The following ADAMTS6 variants were observed in gnomAD, a reference collection of about 807,000 sequenced individuals.
ADAMTS6 encodes the protein A disintegrin and metalloproteinase with thrombospondin motifs 6.
ADAMTS6 carries 23 observed loss-of-function variants against 144.3 expected under a neutral mutation model. The ratio of observed to expected loss-of-function variants is 0.16; its 90% CI spans 0.11 to 0.23. The LOEUF is 0.23. ADAMTS6 is among the 10% of genes least tolerant of loss of function. The pLI, the probability that ADAMTS6 is intolerant of heterozygous loss-of-function variation, is 1.00. For missense variants in ADAMTS6, 999 were observed against 1,379.6 expected, an observed-to-expected ratio of 0.72 and a Z score of 4.37; for synonymous variants, 444 against 457.5, an observed-to-expected ratio of 0.97 and a Z score of 0.38.
intron 14 of ADAMTS6, among the ~76,000 whole-genome samples, chr5:65,247,733 C>T (rs1457571786): frequency 6.6e-6 from 1 of 152,062 alleles, no homozygotes; most frequent in African/African-American, 2.4e-5. Context: ...ACTCCTATGG[C>T]CTCAGGGAAA....
At chr5:65,295,820 C>A (rs1742781611) in intron 10 of ADAMTS6, among the ~76,000 whole-genome samples, 1 of 151,994 alleles carries the variant, frequency 6.6e-6, no homozygotes, top group South Asian at 2.1e-4. Flanking sequence ...AGTATATTTA[C>A]ATTTCTCAAA....
chr5:65,281,312 A>G (rs1762972485), intron 11 of ADAMTS6, among the ~76,000 whole-genome samples: 2 of 152,210 alleles, frequency 1.3e-5, no homozygotes, highest in Admixed American at 1.3e-4. Flanking sequence ...AAGGCTGATT[A>G]GTAATGGTTT....
intron 7 of ADAMTS6, among the ~76,000 whole-genome samples, chr5:65,422,143 G>T (rs1230430302): frequency 1.3e-5 from 2 of 152,084 alleles, no homozygotes; most frequent in Non-Finnish European, 2.9e-5. Context: ...GTGGGCAAAT[G>T]ACACGAATAG....
In ADAMTS6 at chr5:65,260,658, G is replaced by A. The variant is rs148456319; in HGVS notation, c.1772C>T (p.Ser591Leu). 3 of 1,612,822 alleles carry A rather than the reference G, an allele frequency of 1.9e-6. No individual in the cohort carries two copies. Among genetic ancestry groups the A allele is most frequent in the African/African-American group, 2.7e-5 (2 of 74,814 alleles). The change falls in exon 14 of 25, where the codon TCA becomes TTA. Residue 591 changes from serine (S) to leucine (L), a missense_variant. Around this residue, in one of 3 missense-constraint regions of ADAMTS6, gnomAD observed 619 missense variants for 837.0 expected, o/e 0.74. Coordinates refer to ENST00000381055, the MANE Select transcript of ADAMTS6 (RefSeq NM_197941.4). Reference sequence around the variant, plus strand: ...CCCAAGGCAATATTTTCCACCTCCTGAAGGTCTGAAAAAACATTGTGTTTA... The same window carrying A: ...CCCAAGGCAATATTTTCCACCTCCTAAAGGTCTGAAAAAACATTGTGTTTA... The part of the protein sequence containing the change: ...SLRHCDSPAP[S>L]GGGKYCLGER...
chr5:65,319,220 GCATA>G (rs1387182503), intron 9 of ADAMTS6, among the ~76,000 whole-genome samples: 1 of 151,960 alleles, frequency 6.6e-6, no homozygotes, highest in Admixed American at 6.6e-5. Context: ...CTGCTAGAGG[GCATA>G]CAAAGAAATT....
At chr5:65,270,726 C>T (rs909517841) in intron 12 of ADAMTS6, among the ~76,000 whole-genome samples, 4 of 151,998 alleles carry the variant, frequency 2.6e-5, no homozygotes, top group Non-Finnish European at 5.9e-5. Context: ...CAGTGATATC[C>T]GCTATATTGG....
At chr5:65,396,578 A>C (rs1175823773) in intron 7 of ADAMTS6, among the ~76,000 whole-genome samples, 1 of 152,202 alleles carries the variant, frequency 6.6e-6, no homozygotes, top group Admixed American at 6.5e-5. Context: ...TAGAAGCAGA[A>C]AGCATCTTAT....
intron 24 of ADAMTS6, among the ~76,000 whole-genome samples, chr5:65,164,514 TG>T (rs1255171456): frequency 7.1e-6 from 1 of 141,586 alleles, no homozygotes; most frequent in Non-Finnish European, 1.5e-5. Flanking sequence ...AAGCTCGAAC[TG>T]GGTGGAGCCC....
chr5:65,442,128 T>C (rs1679853266), intron 7 of ADAMTS6, among the ~76,000 whole-genome samples: 1 of 142,580 alleles, frequency 7.0e-6, no homozygotes, highest in Non-Finnish European at 1.5e-5. Flanking sequence ...TTTGAGAAGA[T>C]TATTAAAATG....
chr5:65,226,395 G>T (rs548246712), intron 15 of ADAMTS6, among the ~76,000 whole-genome samples, 176 bp from the exon 16 acceptor site: 23 of 151,982 alleles, frequency 1.5e-4, no homozygotes, highest in African/African-American at 5.1e-4. Context: ...AATTGGTGGT[G>T]CAACTTAAAG....
chr5:65,420,760 A>G (rs1033865477), intron 7 of ADAMTS6, among the ~76,000 whole-genome samples: 50 of 152,180 alleles, frequency 3.3e-4, no homozygotes, highest in Non-Finnish European at 6.9e-4. Context: ...AGCTGGAAAA[A>G]AAGCTAGAAA....
rs777811016 is a variant in ADAMTS6, at chr5:65,273,304, A to G, written c.1620+36T>C. Reference sequence around the variant, plus strand: ...AGTACCAGCAATTTATCACTTTTGTATACATGTCAAACAGGTAGTAAATCA... The same window carrying G: ...AGTACCAGCAATTTATCACTTTTGTGTACATGTCAAACAGGTAGTAAATCA... On this transcript the variant is annotated intron_variant, in intron 12 of 24. Coordinates refer to ENST00000381055, the MANE Select transcript of ADAMTS6 (RefSeq NM_197941.4). 49 of 1,575,324 alleles carry G rather than the reference A, an allele frequency of 3.1e-5. 1 individual carries two copies. The Middle Eastern group carries it at 6.7e-4, about 21-fold the overall frequency.
chr5:65,242,490 G>A (rs1759275778), intron 14 of ADAMTS6, among the ~76,000 whole-genome samples: 1 of 152,008 alleles, frequency 6.6e-6, no homozygotes, highest in Non-Finnish European at 1.5e-5. Flanking sequence ...AGTCCATCAG[G>A]TATCTCCTTA....
Position 65,173,019 on chromosome 5 carries a change from AAC to A in ADAMTS6, c.2911-13_2911-12del, listed in dbSNP as rs764347208. 6.2e-7 allele frequency: 1 copy of A among 1,609,496 alleles called. No individual in the cohort carries two copies. The highest frequency in any genetic ancestry group is 1.7e-5 in the Admixed American group (1 of 59,002). On this transcript the variant is annotated splice_polypyrimidine_tract_variant and intron_variant, in intron 22 of 24. Transcript: ENST00000381055. ...ACATTTTGGAGTACACTGGAAATAA[AAC>A]AAATAGTAATGAATCACGACAGTTT...
At chr5:65,449,948 T>C (rs960670522) in intron 7 of ADAMTS6, among the ~76,000 whole-genome samples, 11 of 152,208 alleles carry the variant, frequency 7.2e-5, no homozygotes, top group Admixed American at 2.6e-4. Flanking sequence ...CCACTGTGCG[T>C]CATATTTGGG....
At position 65,151,774 on chromosome 5, in the gene ADAMTS6, T is replaced by C; in HGVS notation, c.*62A>G. On this transcript the variant is annotated 3_prime_UTR_variant, in exon 25 of 25. Transcript: ENST00000381055. ...CATCAATCCTCTTCCTCTGGGTGGC[T>C]CTCTTTGATGGATGCATTTCCATGA... The C allele has an allele frequency of 4.9e-6, 7 of 1,437,526 alleles. No individual in the cohort carries two copies. In the South Asian group the frequency reaches 8.3e-5, roughly 17 times the overall value. The allele number at this position is 1,437,526 out of a possible 1,614,324, so 89.0% of individuals were successfully genotyped here. A position where few individuals can be genotyped will look rare whatever the true frequency, so the allele number is the denominator to read the frequency against.
intron 12 of ADAMTS6, among the ~76,000 whole-genome samples, chr5:65,269,789 A>AC (rs199856331): frequency 8.1e-4 from 117 of 144,154 alleles, no homozygotes; most frequent in East Asian, 1.4e-3. Flanking sequence ...TAGTGTAAGT[A>AC]CTTTTTTTTT....
intron 7 of ADAMTS6, 112 bp from the exon 8 acceptor site, chr5:65,334,197 G>C: frequency 1.6e-6 from 2 of 1,216,040 alleles, no homozygotes; most frequent in Non-Finnish European, 2.3e-6. Context: ...ATGCAATTAT[G>C]AGCAATCAAC....
intron 7 of ADAMTS6, among the ~76,000 whole-genome samples, chr5:65,448,921 T>C (rs1758507488): frequency 6.6e-6 from 1 of 152,292 alleles, no homozygotes; most frequent in East Asian, 1.9e-4. Context: ...TGTGGAATTC[T>C]CAAAAATATT....
Sources: gnomAD v4.1 joint callset for allele counts (sites outside exome capture counted in the v4.1 genomes callset) on GRCh38, gnomAD v4.1.1 for gene constraint, gnomAD v4.1.1 regional missense constraint, MANE v1.5 for transcripts, NCBI Gene and HGNC (gene_info 2026-07-23, HGNC 2026-07-21) for gene names.